MAGI2: variants seen among roughly 807,000 people sequenced by gnomAD.
The protein encoded by MAGI2 is membrane associated guanylate kinase, WW and PDZ domain containing 2.
A neutral mutation model predicts 133.3 loss-of-function variants in MAGI2; 35 were observed. The ratio of observed to expected loss-of-function variants is 0.26; its 90% CI spans 0.20 to 0.35. The LOEUF is 0.35. MAGI2 is among the 10% of genes least tolerant of loss of function. The pLI is 1.00. For missense variants in MAGI2, 1,636 were observed against 1,863.4 expected (o/e 0.88, Z 2.25); for synonymous variants, 729 against 710.6 (o/e 1.03, Z -0.41).
intron 1 of MAGI2, among the ~76,000 whole-genome samples, chr7:79,318,460 A>G (rs1181030528): frequency 6.6e-6 from 1 of 152,208 alleles, no homozygotes; most frequent in Admixed American, 6.6e-5. Context: ...GTGGAATTAC[A>G]TCTGTCTCAA....
intron 6 of MAGI2, among the ~76,000 whole-genome samples, chr7:78,407,990 A>G (rs1388338374): frequency 1.3e-5 from 2 of 152,046 alleles, no homozygotes; most frequent in African/African-American, 4.8e-5. Context: ...GAAGCAGGGG[A>G]ACCTGACATA....
At chr7:79,374,490 C>T (rs1329002955) in intron 1 of MAGI2, among the ~76,000 whole-genome samples, 1 of 151,946 alleles carries the variant, frequency 6.6e-6, no homozygotes, top group Non-Finnish European at 1.5e-5. Context: ...CAACACCTTG[C>T]TTTTGGACTT....
rs187935372 is a variant in MAGI2, at chr7:78,891,197, A to C, written c.418+115893T>G. ...AACCAGGAAGAAGTTGAATTTCTGA[A>C]TAGACCAATAACAGGCTCTGAAATT... On this transcript the variant is annotated intron_variant, in intron 2 of 21. Coordinates refer to ENST00000354212, the MANE Select transcript of MAGI2 (RefSeq NM_012301.4). Among the ~76,000 whole-genome samples the C allele has an allele frequency of 3.7e-3, 570 of 152,332 alleles. 4 individuals are homozygous for C. Among genetic ancestry groups the C allele is most frequent in the African/African-American group, 0.013 (546 of 41,576 alleles).
At chr7:78,134,654 A>C (rs1217673608) in intron 17 of MAGI2, 1 of 174,990 alleles carries the variant, frequency 5.7e-6, no homozygotes, top group Admixed American at 5.6e-5. Context: ...TACTGTTAAC[A>C]TAAATTTTTT....
intron 9 of MAGI2, among the ~76,000 whole-genome samples, chr7:78,311,631 C>T (rs751044939): frequency 1.3e-5 from 2 of 152,128 alleles, no homozygotes; most frequent in African/African-American, 2.4e-5. Flanking sequence ...AACATGTCAA[C>T]GTGGTCATCT....
At chr7:78,137,557 TG>T (rs1822285227) in intron 16 of MAGI2, among the ~76,000 whole-genome samples, 1 of 152,190 alleles carries the variant, frequency 6.6e-6, no homozygotes, top group African/African-American at 2.4e-5. Context: ...CCTGTAATAC[TG>T]CTAGAATTGA....
chr7:79,014,877 C>T (rs1808531759), intron 1 of MAGI2, among the ~76,000 whole-genome samples: 1 of 151,992 alleles, frequency 6.6e-6, no homozygotes, highest in Non-Finnish European at 1.5e-5. Flanking sequence ...AACTTCACTC[C>T]AAAGTTTCAG....
intron 2 of MAGI2, among the ~76,000 whole-genome samples, chr7:78,849,726 G>C (rs1792967220): frequency 6.6e-6 from 1 of 152,050 alleles, no homozygotes; most frequent in Admixed American, 6.6e-5. Context: ...CCTCTCTAAA[G>C]ATGACGTTTC....
chr7:78,242,955 C>T lies in MAGI2; in HGVS notation c.2047+12988G>A, dbSNP rs771008659. On this transcript the variant is annotated intron_variant, in intron 10 of 21. Transcript: ENST00000354212. ...GGCATGGTGCCATATGCCTGTGGTC[C>T]CAGCTACTTGAAAGGCTGAGGTGGG... is the stretch of plus-strand genomic sequence containing the variant. 1.2e-3 allele frequency among the ~76,000 whole-genome samples: 176 copies of T among 151,990 alleles called. 2 individuals are homozygous for T. The highest frequency in any genetic ancestry group is 1.5e-4 in the Non-Finnish European group (10 of 67,960).
intron 1 of MAGI2, among the ~76,000 whole-genome samples, chr7:79,373,834 T>C (rs1438528944): frequency 2.0e-5 from 3 of 152,088 alleles, no homozygotes; most frequent in Admixed American, 6.6e-5. Context: ...GTGAATTGAC[T>C]ATGACCTAAA....
chr7:79,323,823 T>C (rs1839384999), intron 1 of MAGI2, among the ~76,000 whole-genome samples: 1 of 152,168 alleles, frequency 6.6e-6, no homozygotes, highest in Non-Finnish European at 1.5e-5. Flanking sequence ...CCTTGTTTTC[T>C]AATGGAGCAC....
chr7:79,177,258 A>G (rs1826183980), intron 1 of MAGI2: 2 of 151,750 alleles, frequency 1.3e-5, no homozygotes, highest in African/African-American at 4.9e-5. Flanking sequence ...CTTTAAAAAA[A>G]TCACTATTTA....
chr7:79,346,486 C>T (rs1391611085), intron 1 of MAGI2, among the ~76,000 whole-genome samples: 1 of 151,914 alleles, frequency 6.6e-6, no homozygotes, highest in Non-Finnish European at 1.5e-5. Context: ...CCTGTTACTG[C>T]CTCAATCCTT....
chr7:78,502,225 TAATCA>T (rs1461435127), intron 4 of MAGI2, among the ~76,000 whole-genome samples: 1 of 152,168 alleles, frequency 6.6e-6, no homozygotes, highest in Non-Finnish European at 1.5e-5. Context: ...TGATTAAATG[TAATCA>T]CAAGAGTCCT....
chr7:78,723,332 TTAC>T (rs1266415308), intron 2 of MAGI2, among the ~76,000 whole-genome samples: 5 of 152,204 alleles, frequency 3.3e-5, no homozygotes, highest in Non-Finnish European at 7.3e-5. Context: ...TATTTAGCAC[TTAC>T]TAAATTCAAG....
At chr7:78,741,007 A>G (rs1822366215) in intron 2 of MAGI2, among the ~76,000 whole-genome samples, 1 of 152,196 alleles carries the variant, frequency 6.6e-6, no homozygotes, top group African/African-American at 2.4e-5. Context: ...AAAAGTGTAG[A>G]TTTGTGGCAC....
At chr7:78,201,699 C>A (rs1170813736) in intron 10 of MAGI2, among the ~76,000 whole-genome samples, 1 of 152,188 alleles carries the variant, frequency 6.6e-6, no homozygotes, top group Non-Finnish European at 1.5e-5. Context: ...TTAGGTTCCA[C>A]TATAAATTTT....
chr7:78,856,979 G>A lies in MAGI2; in HGVS notation c.418+150111C>T, dbSNP rs185217901. Among the ~76,000 whole-genome samples, 505 of 152,284 alleles carry A rather than the reference G, an allele frequency of 3.3e-3. 5 individuals are homozygous for A. The highest frequency in any genetic ancestry group is 0.011 in the African/African-American group (477 of 41,552). On this transcript the variant is annotated intron_variant, in intron 2 of 21. Coordinates refer to ENST00000354212, the MANE Select transcript of MAGI2 (RefSeq NM_012301.4). ...AAGAGGTCCTTCAGATCCCTTGTAA[G>A]TTGGATTCCTAGGTATTCTATTCTC... is the stretch of plus-strand genomic sequence containing the variant.
intron 3 of MAGI2, among the ~76,000 whole-genome samples, chr7:78,559,136 C>CAAAAAA (rs71085541): frequency 9.1e-5 from 5 of 54,724 alleles, no homozygotes; most frequent in Non-Finnish European, 1.2e-4. Flanking sequence ...TCTGAATTTC[C>CAAAAAA]AAAAAAAAAA....
Sources: allele counts gnomAD v4.1 joint callset (sites outside exome capture counted in the v4.1 genomes callset), GRCh38; gene constraint gnomAD v4.1.1; transcripts MANE v1.5; gene names NCBI Gene and HGNC (gene_info 2026-07-23, HGNC 2026-07-21).